MTO1: variants seen among roughly 807,000 people sequenced by gnomAD.
The protein encoded by MTO1 is 5-taurinomethyluridine-[tRNA] synthase subunit MTO1, mitochondrial.
In MTO1, 46 loss-of-function variants were observed where a neutral mutation model predicts 71.6. The ratio of observed to expected loss-of-function variants is 0.64; its 90% CI spans 0.51 to 0.82. The LOEUF (loss-of-function observed/expected upper bound fraction) is 0.82. MTO1 is among the 40% of genes least tolerant of loss of function. The pLI, the probability that MTO1 is intolerant of heterozygous loss-of-function variation, is 0.00. For missense variants in MTO1, 773 were observed against 867.5 expected (o/e 0.89, Z 1.37); for synonymous variants, 297 against 312.1 (o/e 0.95, Z 0.51).
At chr6:73,489,611 G>A (rs1384754107) in intron 9 of MTO1, among the ~76,000 whole-genome samples, 2 of 152,076 alleles carry the variant, frequency 1.3e-5, no homozygotes, top group East Asian at 3.9e-4. Context: ...CAAAGGACAT[G>A]AACTCATCTT....
chr6:73,501,807 G>C lies in MTO1; in HGVS notation c.*1072G>C, dbSNP rs1561956620. 6.6e-6 allele frequency: 1 copy of C among 152,224 alleles called. No homozygotes were observed. Among genetic ancestry groups the C allele is most frequent in the Admixed American group, 6.5e-5 (1 of 15,272 alleles). The allele number at this position is 152,224 out of a possible 1,614,324, so 9.4% of individuals were successfully genotyped here. On this transcript the variant is annotated 3_prime_UTR_variant, in exon 12 of 12. Transcript: ENST00000498286. Reference sequence around the variant, plus strand: ...CCTTCGGGCCAAAGCAGGTACTCAGGAGAGTTCTAAGGGCCCCAAAGTCAC... The same window carrying C: ...CCTTCGGGCCAAAGCAGGTACTCAGCAGAGTTCTAAGGGCCCCAAAGTCAC...
At chr6:73,485,586 T>C (rs1305760962) in intron 9 of MTO1, among the ~76,000 whole-genome samples, 4 of 152,064 alleles carry the variant, frequency 2.6e-5, no homozygotes, top group Admixed American at 2.6e-4. Flanking sequence ...CTACAGGCGC[T>C]TGCCACCATG....
intron 4 of MTO1, 69 bp from the exon 5 acceptor site, chr6:73,479,663 A>G: frequency 7.9e-7 from 1 of 1,267,848 alleles, no homozygotes; most frequent in Middle Eastern, 2.7e-4. Context: ...TATCATGTGG[A>G]ATTTATTTGG....
Position 73,508,527 on chromosome 6 carries a change from A to T in MTO1, c.*7792A>T, listed in dbSNP as rs538121859. 6.6e-6 allele frequency: 1 copy of T among 152,340 alleles called. No homozygotes were observed. Among genetic ancestry groups the T allele is most frequent in the East Asian group, 1.9e-4 (1 of 5,190 alleles). 9.4% of individuals were successfully genotyped at this position (152,340 alleles called of 1,614,324 possible). Reference sequence around the variant, plus strand: ...GTGTATGTGGTGTTTCAAGTAATTTAAGAAAACTGTTGGAATTTTCTGTAT... The same window carrying T: ...GTGTATGTGGTGTTTCAAGTAATTTTAGAAAACTGTTGGAATTTTCTGTAT... On this transcript the variant is annotated 3_prime_UTR_variant, in exon 12 of 12. Coordinates refer to ENST00000498286, the MANE Select transcript of MTO1 (RefSeq NM_012123.4).
intron 6 of MTO1, 165 bp from the exon 7 acceptor site, chr6:73,480,510 T>C (rs1771457661): frequency 2.6e-6 from 2 of 778,560 alleles, no homozygotes; most frequent in South Asian, 1.7e-5. Context: ...CCTCAGGTGA[T>C]CCACCCGCCT....
intron 6 of MTO1, 56 bp from the exon 7 acceptor site, chr6:73,480,619 C>T: frequency 1.9e-6 from 3 of 1,600,972 alleles, no homozygotes; most frequent in Non-Finnish European, 2.6e-6. Context: ...TGCATCTCTA[C>T]CTTGAGCAAA....
At chr6:73,493,064 G>A (rs941166409) in intron 10 of MTO1, among the ~76,000 whole-genome samples, 9 of 144,326 alleles carry the variant, frequency 6.2e-5, no homozygotes, top group African/African-American at 2.3e-4. Flanking sequence ...GCATGATCTC[G>A]GTTCACTGCA....
At chr6:73,482,390 CA>C (rs1024192492) in intron 8 of MTO1, 58 bp from the exon 9 acceptor site, 11 of 1,560,074 alleles carry the variant, frequency 7.1e-6, no homozygotes, top group Admixed American at 1.8e-5. Flanking sequence ...ACTGTCTCTA[CA>C]AAAAAATTTG....
intron 10 of MTO1, 104 bp from the exon 11 acceptor site, chr6:73,497,632 A>C: frequency 8.6e-7 from 1 of 1,156,814 alleles, no homozygotes; most frequent in Middle Eastern, 2.1e-4. Flanking sequence ...GAATGAGATG[A>C]TGTACACAAA....
intron 1 of MTO1, among the ~76,000 whole-genome samples, chr6:73,465,516 G>A (rs1770961610): frequency 6.6e-6 from 1 of 151,794 alleles, no homozygotes; most frequent in Non-Finnish European, 1.5e-5. Context: ...GAAGGACTAG[G>A]GACTTCTTAC....
intron 3 of MTO1, among the ~76,000 whole-genome samples, chr6:73,469,911 A>AG (rs1267502846): frequency 6.6e-6 from 1 of 152,036 alleles, no homozygotes; most frequent in Non-Finnish European, 1.5e-5. Context: ...AGGCTGAGGC[A>AG]GGAGAACCAC....
rs1376925685 is a variant in MTO1 at position 73,497,875 on chromosome 6, A to G, written c.1896A>G (p.Leu632=). ...TGTCCCATGAAGTTCGAGAGAAACT[A>G]CATTTTAGTCGTCCACAGACGGTAA... ...VSLSHEVREK[L]HFSRPQTIGA... is the part of the protein sequence containing the mutation. The change falls in exon 11 of 12, where the codon CTA becomes CTG. Residue 632 remains leucine, a synonymous_variant. Coordinates refer to ENST00000498286, the MANE Select transcript of MTO1 (RefSeq NM_012123.4). The G allele has an allele frequency of 6.2e-7, 1 of 1,612,610 alleles. No homozygotes were observed.
intron 9 of MTO1, among the ~76,000 whole-genome samples, chr6:73,490,723 T>TAA (rs11441991): frequency 2.6e-4 from 37 of 143,892 alleles, no homozygotes; most frequent in African/African-American, 5.1e-4. Flanking sequence ...TTTCTATTTC[T>TAA]AAAAAAAAAA....
At position 73,500,621 on chromosome 6, in the gene MTO1, C is replaced by A; in HGVS notation, c.1965C>A (p.Ile655=). ...CCGGAGTAACACCTGCCGCCATCATCAATCTGCTGAGATTTGTGAAGACCA... is the reference window on the plus strand; with the variant it reads ...CCGGAGTAACACCTGCCGCCATCATAAATCTGCTGAGATTTGTGAAGACCA... ...RIPGVTPAAI[I]NLLRFVKTTQ... is the part of the protein sequence containing the mutation. The change falls in exon 12 of 12, where the codon ATC becomes ATA. Residue 655 remains isoleucine (I), a synonymous_variant. Transcript: ENST00000498286. 6.2e-7 allele frequency: 1 copy of A among 1,614,052 alleles called. No homozygotes were observed. Among genetic ancestry groups the A allele is most frequent in the Non-Finnish European group, 8.5e-7 (1 of 1,179,954 alleles).
intron 9 of MTO1, among the ~76,000 whole-genome samples, chr6:73,489,273 T>C (rs1213468079): frequency 2.4e-5 from 2 of 83,752 alleles, no homozygotes; most frequent in African/African-American, 4.6e-5. Flanking sequence ...GGGTTTTCTT[T>C]TTTTCTTTTT....
chr6:73,491,375 C>T (rs761030229), intron 9 of MTO1, among the ~76,000 whole-genome samples: 1 of 122,134 alleles, frequency 8.2e-6, no homozygotes, highest in Non-Finnish European at 1.7e-5. Context: ...ACCTGGGCAA[C>T]ATGACAAAAC....
At chr6:73,488,085 G>A (rs1771705425) in intron 9 of MTO1, among the ~76,000 whole-genome samples, 1 of 152,156 alleles carries the variant, frequency 6.6e-6, no homozygotes, top group Admixed American at 6.6e-5. Flanking sequence ...ATTAGTGGAT[G>A]TTGAGCATCT....
intron 3 of MTO1, among the ~76,000 whole-genome samples, chr6:73,473,030 A>G (rs1304092144): frequency 6.6e-6 from 1 of 152,214 alleles, no homozygotes; most frequent in African/African-American, 2.4e-5. Context: ...AAGTAATCCC[A>G]GCGCTTTGGG....
At chr6:73,481,633 C>T (rs921486231) in intron 7 of MTO1, among the ~76,000 whole-genome samples, 48 of 152,000 alleles carry the variant, frequency 3.2e-4, no homozygotes, top group African/African-American at 1.1e-3. Context: ...CCAGGTGTGA[C>T]GGCATGTGCC....
Sources: gnomAD v4.1 joint callset for allele counts (sites outside exome capture counted in the v4.1 genomes callset) on GRCh38, gnomAD v4.1.1 for gene constraint, MANE v1.5 for transcripts, NCBI Gene and HGNC (gene_info 2026-07-23, HGNC 2026-07-21) for gene names.